BLMH: variants seen among roughly 807,000 people sequenced by gnomAD.
BLMH encodes the protein BLM hydrolase.
A neutral mutation model predicts 61.6 loss-of-function variants in BLMH; 32 were observed. The observed-to-expected ratio is 0.52, with a 90% CI of 0.39 to 0.70. The LOEUF (loss-of-function observed/expected upper bound fraction) is 0.70. Among genes scored for constraint, BLMH ranks in the 30% least tolerant of loss-of-function variants. BLMH has a pLI of 0.00. For synonymous variants in BLMH, 183 were observed against 193.8 expected (o/e 0.94, Z 0.46); for missense variants, 460 against 555.5 (o/e 0.83, Z 1.73).
intron 11 of BLMH, among the ~76,000 whole-genome samples, chr17:30,260,536 C>T (rs1016745975): frequency 6.6e-6 from 1 of 152,106 alleles, no homozygotes; most frequent in Non-Finnish European, 1.5e-5. Flanking sequence ...CACTATTTCT[C>T]AGCCAAAGTC....
intron 7 of BLMH, chr17:30,273,290 C>G: frequency 5.9e-6 from 1 of 169,922 alleles, no homozygotes. Context: ...CTTCAGCCTC[C>G]CAAGTAGCTG....
At chr17:30,275,544 G>C (rs1207407119) in intron 6 of BLMH, among the ~76,000 whole-genome samples, 2 of 151,790 alleles carry the variant, frequency 1.3e-5, no homozygotes, top group Non-Finnish European at 2.9e-5. Context: ...AAACTAGCTG[G>C]GCATGGTGGT....
intron 11 of BLMH, among the ~76,000 whole-genome samples, chr17:30,259,556 GA>G (rs1300939838): frequency 6.6e-6 from 1 of 151,196 alleles, no homozygotes; most frequent in Non-Finnish European, 1.5e-5. Flanking sequence ...TGCCCTCTTG[GA>G]AAAAAAATCA....
intron 11 of BLMH, among the ~76,000 whole-genome samples, chr17:30,259,709 G>A (rs1907906793): frequency 6.6e-6 from 1 of 152,076 alleles, no homozygotes; most frequent in African/African-American, 2.4e-5. Flanking sequence ...TTCCTCTGAG[G>A]GTCAGAGACA....
rs138574670 is a variant in BLMH at position 30,274,727 on chromosome 17, A to G, written c.646-530T>C. Among the ~76,000 whole-genome samples, 38 of 152,234 alleles carry G rather than the reference A, an allele frequency of 2.5e-4. 1 individual carries two copies. In the East Asian group the frequency reaches 4.2e-3, roughly 17 times the overall value. ...CCAGGTGCAGTGGTTCATGCCTGTA[A>G]TCCCAGTACTTTGGGAAGCTGAGGT... On this transcript the variant is annotated intron_variant, in intron 6 of 11. Coordinates refer to ENST00000261714, the MANE Select transcript of BLMH (RefSeq NM_000386.4).
chr17:30,279,269 T>C (rs939971022), intron 6 of BLMH, among the ~76,000 whole-genome samples: 1 of 152,172 alleles, frequency 6.6e-6, no homozygotes, highest in African/African-American at 2.4e-5. Context: ...TCCCAGAGTA[T>C]AAAGGGCAGC....
chr17:30,256,309 A>G (rs112589174), intron 11 of BLMH, among the ~76,000 whole-genome samples: 204 of 152,254 alleles, frequency 1.3e-3, no homozygotes, highest in South Asian at 4.6e-3. Context: ...AATTTAGTTT[A>G]TATTTTCTAG....
At chr17:30,280,565 C>T (rs1406243774) in intron 6 of BLMH, among the ~76,000 whole-genome samples, 2 of 152,122 alleles carry the variant, frequency 1.3e-5, no homozygotes, top group Non-Finnish European at 2.9e-5. Context: ...CAGCCTTGAA[C>T]TCCTGGGCTC....
At chr17:30,279,437 A>G (rs1007780875) in intron 6 of BLMH, among the ~76,000 whole-genome samples, 4 of 152,234 alleles carry the variant, frequency 2.6e-5, no homozygotes, top group African/African-American at 9.6e-5. Flanking sequence ...AGCTAATTAA[A>G]TAGAGAATTT....
At chr17:30,270,627 T>C (rs542049556) in intron 10 of BLMH, among the ~76,000 whole-genome samples, 3 of 152,228 alleles carry the variant, frequency 2.0e-5, no homozygotes, top group Non-Finnish European at 4.4e-5. Context: ...GTAGTTCAAG[T>C]TCTTCCTTCC....
intron 10 of BLMH, among the ~76,000 whole-genome samples, chr17:30,267,689 T>C (rs1908149085): frequency 6.6e-6 from 1 of 152,206 alleles, no homozygotes; most frequent in Non-Finnish European, 1.5e-5. Flanking sequence ...ACAACCTTCA[T>C]TTACAGCCTT....
rs529541022 is a variant in BLMH at position 30,270,297 on chromosome 17, C to G, written c.1146+974G>C. 4.0e-4 allele frequency among the ~76,000 whole-genome samples: 61 copies of G among 152,118 alleles called. No individual in the cohort carries two copies. In the South Asian group the frequency reaches 0.012, roughly 31 times the overall value. On this transcript the variant is annotated intron_variant, in intron 10 of 11. Coordinates refer to ENST00000261714, the MANE Select transcript of BLMH (RefSeq NM_000386.4). ...GGCAGATCACCTGAGGTCAGGAGTTCGAGACCAGCCTGGCCAACATGGCAA... is the reference window on the plus strand; with the variant it reads ...GGCAGATCACCTGAGGTCAGGAGTTGGAGACCAGCCTGGCCAACATGGCAA...
At chr17:30,270,329 A>C (rs141731160) in intron 10 of BLMH, among the ~76,000 whole-genome samples, 3,804 of 151,986 alleles carry the variant, frequency 0.025, 143 homozygotes, top group African/African-American at 0.087. Flanking sequence ...GCAAAACCCC[A>C]CTTCTACTAA....
chr17:30,264,773 G>A (rs1263695957), intron 11 of BLMH, among the ~76,000 whole-genome samples: 2 of 152,138 alleles, frequency 1.3e-5, no homozygotes, highest in Admixed American at 6.5e-5. Flanking sequence ...AAGCTGCAGG[G>A]GGTTCATTGG....
intron 6 of BLMH, 78 bp from the exon 7 acceptor site, chr17:30,274,275 C>G: frequency 6.8e-7 from 1 of 1,479,218 alleles, no homozygotes; most frequent in Non-Finnish European, 9.1e-7. Context: ...TTTCCTTAAG[C>G]TTAGGAAACA....
intron 2 of BLMH, 135 bp from the exon 3 acceptor site, chr17:30,289,617 T>TA: frequency 2.0e-6 from 1 of 493,262 alleles, no homozygotes; most frequent in Non-Finnish European, 3.4e-6. Flanking sequence ...GCAGAAAGAT[T>TA]AAAAACAAAA....
chr17:30,288,546 C>T (rs1234479842), intron 3 of BLMH, among the ~76,000 whole-genome samples: 6 of 152,002 alleles, frequency 3.9e-5, no homozygotes, highest in African/African-American at 9.7e-5. Context: ...GATGGGGTTT[C>T]GCCAGGTCCA....
chr17:30,262,584 G>A lies in BLMH; in HGVS notation c.1216+4301C>T, dbSNP rs1853069131. On this transcript the variant is annotated intron_variant, in intron 11 of 11. Transcript: ENST00000261714. ...CCGAGGTGGGAGGATCACAAGGTCA[G>A]GAGATCGAGACCATCCTGGCTAACA... Among the ~76,000 whole-genome samples the A allele has an allele frequency of 2.0e-5, 3 of 152,168 alleles. No homozygotes were observed. The South Asian group carries it at 6.2e-4, about 31-fold the overall frequency.
At chr17:30,257,370 A>G (rs1597657160) in intron 11 of BLMH, among the ~76,000 whole-genome samples, 1 of 152,228 alleles carries the variant, frequency 6.6e-6, no homozygotes, top group Non-Finnish European at 1.5e-5. Flanking sequence ...AAGTGAGGAC[A>G]AGATGCAGAG....
Sources: allele counts gnomAD v4.1 joint callset (sites outside exome capture counted in the v4.1 genomes callset), GRCh38; gene constraint gnomAD v4.1.1; transcripts MANE v1.5; gene names NCBI Gene and HGNC (gene_info 2026-07-23, HGNC 2026-07-21).